NAV3: variants seen among roughly 807,000 people sequenced by gnomAD.
NAV3 encodes the protein pore membrane and/or filament interacting like protein 1.
A neutral mutation model predicts 244.7 loss-of-function variants in NAV3; 87 were observed. The ratio of observed to expected loss-of-function variants is 0.36; its 90% CI spans 0.30 to 0.42. The LOEUF (loss-of-function observed/expected upper bound fraction) is 0.42, where lower values mean the gene tolerates loss of function less well. NAV3 is among the 20% of genes least tolerant of loss of function. NAV3 has a pLI of 1.00. For missense variants in NAV3, 2,663 were observed against 2,893.3 expected (o/e 0.92, Z 1.83); for synonymous variants, 1,126 against 1,042.2 (o/e 1.08, Z -1.55).
At chr12:77,789,109 A>G (rs1181824488) in intron 2 of NAV3, among the ~76,000 whole-genome samples, 1 of 152,204 alleles carries the variant, frequency 6.6e-6, no homozygotes, top group African/African-American at 2.4e-5. Context: ...GCCTTAGTTC[A>G]GGCTTTAATC....
chr12:77,795,825 C>T (rs1055046312), intron 2 of NAV3, among the ~76,000 whole-genome samples: 7 of 152,116 alleles, frequency 4.6e-5, no homozygotes, highest in African/African-American at 1.7e-4. Flanking sequence ...ATAAATAGAA[C>T]AACAAAGCCT....
chr12:77,994,013 A>G (rs1871895129), intron 5 of NAV3, among the ~76,000 whole-genome samples: 1 of 93,788 alleles, frequency 1.1e-5, no homozygotes, highest in African/African-American at 5.6e-5. Context: ...GTTGAACTTA[A>G]TGTATAAATG....
At chr12:78,135,688 T>G (rs552214975) in intron 18 of NAV3, among the ~76,000 whole-genome samples, 1 of 152,270 alleles carries the variant, frequency 6.6e-6, no homozygotes, top group African/African-American at 2.4e-5. Context: ...CATAAACATT[T>G]TAAGTCTTCA....
intron 9 of NAV3, among the ~76,000 whole-genome samples, chr12:78,023,297 T>G (rs1877469780): frequency 1.3e-5 from 2 of 152,278 alleles, no homozygotes; most frequent in African/African-American, 4.8e-5. Flanking sequence ...GTATTTGATG[T>G]TTTTCTCCAC....
At chr12:77,795,147 T>C (rs112302582) in intron 2 of NAV3, among the ~76,000 whole-genome samples, 2 of 152,092 alleles carry the variant, frequency 1.3e-5, no homozygotes, top group African/African-American at 4.8e-5. Context: ...CAAAGGAAAA[T>C]TAAAGTAATT....
At chr12:78,036,984 C>T in intron 9 of NAV3, 1 of 702,980 alleles carries the variant, frequency 1.4e-6, no homozygotes, top group Non-Finnish European at 2.6e-6. Flanking sequence ...GGAGAGGAGA[C>T]CCACGGTGCG....
chr12:78,121,804 A>G, intron 15 of NAV3, 136 bp from the exon 16 acceptor site: 2 of 1,133,682 alleles, frequency 1.8e-6, no homozygotes, highest in Non-Finnish European at 1.2e-6. Context: ...ATAAAAGTTC[A>G]TTAACATAGA....
chr12:77,976,128 A>G (rs1593171408), intron 5 of NAV3, among the ~76,000 whole-genome samples: 1 of 152,300 alleles, frequency 6.6e-6, no homozygotes, highest in East Asian at 1.9e-4. Flanking sequence ...TGCTGAAATG[A>G]AGAAAAAAAT....
Position 77,867,077 on chromosome 12 carries a change from A to T in NAV3, c.243+35373A>T, listed in dbSNP as rs76758840. Among the ~76,000 whole-genome samples, 288 of 152,262 alleles carry T rather than the reference A, an allele frequency of 1.9e-3. 1 individual carries two copies. Among genetic ancestry groups the T allele is most frequent in the African/African-American group, 6.8e-3 (281 of 41,556 alleles). On this transcript the variant is annotated intron_variant, in intron 1 of 39. Coordinates refer to ENST00000397909, the MANE Select transcript of NAV3 (RefSeq NM_001024383.2). ...TAACTAGTCTGAGTTACTGTAGTTGATATGTTTGGCTGTGTCCTTACCCAA... is the reference window on the plus strand; with the variant it reads ...TAACTAGTCTGAGTTACTGTAGTTGTTATGTTTGGCTGTGTCCTTACCCAA...
chr12:77,807,812 A>G (rs1472290679), intron 2 of NAV3, among the ~76,000 whole-genome samples: 1 of 152,182 alleles, frequency 6.6e-6, no homozygotes, highest in African/African-American at 2.4e-5. Flanking sequence ...CACGTACACC[A>G]ATCAAATGTA....
chr12:77,986,580 G>A (rs1870554906), intron 5 of NAV3, among the ~76,000 whole-genome samples: 1 of 152,064 alleles, frequency 6.6e-6, no homozygotes, highest in South Asian at 2.1e-4. Flanking sequence ...TGTGTATTAT[G>A]TTGAAGCAAA....
intron 2 of NAV3, among the ~76,000 whole-genome samples, chr12:77,789,862 A>G (rs1261919177): frequency 9.6e-6 from 1 of 103,744 alleles, no homozygotes; most frequent in Non-Finnish European, 2.2e-5. Flanking sequence ...GAAAAAAAAA[A>G]TTCACAAAAA....
chr12:78,177,345 A>G lies in NAV3; in HGVS notation c.5297+32A>G, dbSNP rs759340196. 9 of 1,588,116 alleles carry G rather than the reference A, an allele frequency of 5.7e-6. No individual in the cohort carries two copies. The African/African-American group carries it at 6.8e-5, about 12-fold the overall frequency. On this transcript the variant is annotated intron_variant, in intron 27 of 39. Coordinates refer to ENST00000397909, the MANE Select transcript of NAV3 (RefSeq NM_001024383.2). ...TGCTCCTTCTGCAAAATGCAGACATATTTTTTAAAAACAATTTTAGATGAA... is the reference window on the plus strand; with the variant it reads ...TGCTCCTTCTGCAAAATGCAGACATGTTTTTTAAAAACAATTTTAGATGAA...
chr12:77,681,580 C>T (rs572321444), intron 2 of NAV3, among the ~76,000 whole-genome samples: 4 of 152,146 alleles, frequency 2.6e-5, no homozygotes, highest in Non-Finnish European at 5.9e-5. Context: ...GAGAAAGGAA[C>T]CACAAACCGT....
intron 1 of NAV3, among the ~76,000 whole-genome samples, chr12:77,931,025 T>G (rs1345420683): frequency 6.6e-6 from 1 of 151,968 alleles, no homozygotes; most frequent in Admixed American, 6.6e-5. Context: ...TTGTTATCAA[T>G]TTTTATCTTC....
rs549050446 is a variant in NAV3 at position 77,642,936 on chromosome 12, G to T, written c.72+70670G>T. On this transcript the variant is annotated intron_variant, in intron 2 of 8. Transcript: ENST00000550042. ...AATCGCAATCAGCTTTGACCCAACA[G>T]GATAGGATTTTCATAAATCTTTTAT... is the stretch of plus-strand genomic sequence containing the variant. 1.0e-3 allele frequency among the ~76,000 whole-genome samples: 157 copies of T among 152,014 alleles called. 1 individual carries two copies. Among genetic ancestry groups the T allele is most frequent in the African/African-American group, 3.7e-3 (154 of 41,510 alleles).
chr12:78,143,570 G>C (rs1307051693), intron 20 of NAV3, among the ~76,000 whole-genome samples: 2 of 148,810 alleles, frequency 1.3e-5, no homozygotes, highest in African/African-American at 5.0e-5. Context: ...GGCTGAGGCT[G>C]CTGCAGTGAG....
intron 1 of NAV3, among the ~76,000 whole-genome samples, chr12:77,927,618 C>T (rs921687018): frequency 6.6e-6 from 1 of 152,182 alleles, no homozygotes; most frequent in African/African-American, 2.4e-5. Context: ...GTAGACACTA[C>T]ATCTTGGAGA....
intron 1 of NAV3, among the ~76,000 whole-genome samples, chr12:77,889,183 C>A (rs368831152): frequency 4.5e-4 from 68 of 152,272 alleles, no homozygotes; most frequent in East Asian, 4.1e-3. Context: ...CTGAATAAAG[C>A]AGATTGCCCT....
Sources: allele counts gnomAD v4.1 joint callset (sites outside exome capture counted in the v4.1 genomes callset), GRCh38; gene constraint gnomAD v4.1.1; transcripts MANE v1.5; gene names NCBI Gene and HGNC (gene_info 2026-07-23, HGNC 2026-07-21).